PSEN1: variants seen among roughly 807,000 people sequenced by gnomAD.
PSEN1 encodes the protein presenilin 1, also known as presenilin-1.
Under a neutral mutation model 53.5 loss-of-function variants are expected in PSEN1, and 15 were observed. The observed-to-expected ratio is 0.28, with a 90% confidence interval of 0.19 to 0.43. The LOEUF (loss-of-function observed/expected upper bound fraction) is 0.43. Among genes scored for constraint, PSEN1 ranks in the 20% least tolerant of loss-of-function variants. PSEN1 has a pLI of 1.00. For missense variants in PSEN1, 387 were observed against 571.2 expected, an observed-to-expected ratio of 0.68 and a Z score of 3.29; for synonymous variants, 208 against 209.8, an observed-to-expected ratio of 0.99 and a Z score of 0.08.
intron 3 of PSEN1, among the ~76,000 whole-genome samples, chr14:73,156,845 G>A (rs772342582): frequency 6.6e-6 from 1 of 151,746 alleles, no homozygotes; most frequent in Non-Finnish European, 1.5e-5. Flanking sequence ...TGTAATTTTA[G>A]TAGAGATGGG....
Position 73,147,638 on chromosome 14 carries a change from C to CTACCTTGAGCT in PSEN1, c.-135-154_-135-144dup, listed in dbSNP as rs148009306. On this transcript the variant is annotated intron_variant, in intron 1 of 11. Transcript: ENST00000324501. ...CGGTTCTACTTATTGCTAAAGAGGT[C>CTACCTTGAGCT]TACCTTGAGCTTATAGTAAATTTGT... is the stretch of plus-strand genomic sequence containing the variant. 4.1e-5 allele frequency: 12 copies of CTACCTTGAGCT among 295,528 alleles called. No individual in the cohort carries two copies. In the East Asian group the frequency reaches 9.6e-4, roughly 24 times the overall value. The allele number at this position is 295,528 out of a possible 1,614,324, so 18.3% of individuals were successfully genotyped here. A position where few individuals can be genotyped will look rare whatever the true frequency, so the allele number is the denominator to read the frequency against.
chr14:73,152,221 A>G (rs1333020944), intron 3 of PSEN1, among the ~76,000 whole-genome samples: 7 of 151,652 alleles, frequency 4.6e-5, no homozygotes, highest in Admixed American at 2.6e-4. Flanking sequence ...AAAGAATAGT[A>G]TGCTACCTGA....
rs1302061892 is a variant in PSEN1 at position 73,222,329 on chromosome 14, C to T, written c.*3040C>T. On this transcript the variant is annotated 3_prime_UTR_variant, in exon 12 of 12. Transcript: ENST00000324501. ...GGATTCCCATTCTGTAGTCTCTCTG[C>T]TTTTAAAAACCCTCCTTTTGCAATA... 1.3e-5 allele frequency: 2 copies of T among 152,176 alleles called. No individual in the cohort carries two copies. The highest frequency in any genetic ancestry group is 1.9e-4 in the East Asian group (1 of 5,200). The allele number at this position is 152,176 out of a possible 1,614,324, so 9.4% of individuals were successfully genotyped here. A position where few individuals can be genotyped will look rare whatever the true frequency, so the allele number is the denominator to read the frequency against.
intron 5 of PSEN1, among the ~76,000 whole-genome samples, chr14:73,180,907 G>A (rs1434667623): frequency 2.0e-5 from 3 of 152,214 alleles, no homozygotes. Flanking sequence ...AAGCCAGTGT[G>A]TATTAATTAA....
At chr14:73,200,679 C>G (rs1383767545) in intron 8 of PSEN1, among the ~76,000 whole-genome samples, 2 of 152,120 alleles carry the variant, frequency 1.3e-5, no homozygotes, top group Non-Finnish European at 2.9e-5. Flanking sequence ...AAGTACTTAC[C>G]CCTGTTGTCA....
intron 3 of PSEN1, among the ~76,000 whole-genome samples, chr14:73,170,051 C>T (rs771578178): frequency 4.6e-5 from 7 of 152,148 alleles, no homozygotes; most frequent in South Asian, 2.1e-4. Context: ...AGGTAACTTC[C>T]GGACGTTGCC....
At chr14:73,185,354 G>C (rs1278685566) in intron 5 of PSEN1, among the ~76,000 whole-genome samples, 2 of 152,190 alleles carry the variant, frequency 1.3e-5, no homozygotes, top group Non-Finnish European at 2.9e-5. Context: ...CTGCAATCCC[G>C]GCACCTCGGG....
chr14:73,211,856 T>C lies in PSEN1; in HGVS notation c.1043T>C (p.Leu348Pro), dbSNP rs1899698715. The C allele has an allele frequency of 6.2e-7, 1 of 1,613,798 alleles. No individual in the cohort carries two copies. Reference sequence around the variant, plus strand: ...TGGGAAGCCCAGAGGGACAGTCATCTAGGGCCTCATCGCTCTACACCTGAG... The same window carrying C: ...TGGGAAGCCCAGAGGGACAGTCATCCAGGGCCTCATCGCTCTACACCTGAG... ...EEWEAQRDSH[L>P]GPHRSTPESR... The change falls in exon 10 of 12, where the codon CTA (leucine) becomes CCA (proline). Residue 348 changes from leucine to proline, a missense_variant. Coordinates refer to ENST00000324501, the MANE Select transcript of PSEN1 (RefSeq NM_000021.4).
At chr14:73,162,663 G>T (rs1302235214) in intron 3 of PSEN1, among the ~76,000 whole-genome samples, 1 of 152,020 alleles carries the variant, frequency 6.6e-6, no homozygotes, top group Admixed American at 6.5e-5. Context: ...TCAAAGATAA[G>T]AAGAATGAGG....
rs568722981 is a variant in PSEN1 at position 73,188,405 on chromosome 14, A to G, written c.548+1485A>G. On this transcript the variant is annotated intron_variant, in intron 6 of 11. Coordinates refer to ENST00000324501, the MANE Select transcript of PSEN1 (RefSeq NM_000021.4). ...GTGGTGGCTCATGTTTATAATCTCA[A>G]TACTCTGGGAGGCTAAGGTAGGAGG... Among the ~76,000 whole-genome samples, 196 of 152,228 alleles carry G rather than the reference A, an allele frequency of 1.3e-3. 2 individuals carry two copies. Among genetic ancestry groups the G allele is most frequent in the Middle Eastern group, 0.01 (3 of 294 alleles).
chr14:73,219,205 C>T lies in PSEN1; in HGVS notation c.1320C>T (p.Thr440=). 11 of 1,613,704 alleles carry T rather than the reference C, an allele frequency of 6.8e-6. No individual in the cohort carries two copies. The highest frequency in any genetic ancestry group is 9.3e-6 in the Non-Finnish European group (11 of 1,179,578). Residue 440 remains threonine (T), a synonymous_variant, in exon 12 of 12, where the codon ACC becomes ACT. Transcript: ENST00000324501. Reference sequence around the variant, plus strand: ...TGCCAGCTCTTCCAATCTCCATCACCTTTGGGCTTGTTTTCTACTTTGCCA... The same window carrying T: ...TGCCAGCTCTTCCAATCTCCATCACTTTTGGGCTTGTTTTCTACTTTGCCA... The part of the protein sequence containing the change: ...KALPALPISI[T]FGLVFYFATD...
chr14:73,140,202 C>CTTTTTTTTTTT (rs35223948), intron 1 of PSEN1, among the ~76,000 whole-genome samples: 1 of 73,040 alleles, frequency 1.4e-5, no homozygotes, highest in Non-Finnish European at 2.5e-5. Flanking sequence ...TTTTGCTATT[C>CTTTTTTTTTTT]TTTTTTTTTT....
chr14:73,153,363 A>T (rs190095457), intron 3 of PSEN1, among the ~76,000 whole-genome samples: 1 of 152,340 alleles, frequency 6.6e-6, no homozygotes, highest in African/African-American at 2.4e-5. Flanking sequence ...TAACAGCCCC[A>T]TAAGTGTTCA....
intron 3 of PSEN1, chr14:73,169,565 C>T (rs527791186): frequency 6.6e-6 from 1 of 152,302 alleles, no homozygotes; most frequent in African/African-American, 2.4e-5. Flanking sequence ...CTTATCTCTA[C>T]CAATGCTAGT....
At chr14:73,142,423 CT>C (rs771665727) in intron 1 of PSEN1, among the ~76,000 whole-genome samples, 14 of 152,248 alleles carry the variant, frequency 9.2e-5, no homozygotes, top group Middle Eastern at 6.8e-3. Context: ...GCCACAAGCC[CT>C]TTGTGCTAGA....
chr14:73,167,722 G>A (rs1283213768), intron 3 of PSEN1: 1 of 150,058 alleles, frequency 6.7e-6, no homozygotes, highest in Non-Finnish European at 1.5e-5. Context: ...GTCTCTAACA[G>A]CTCTAAAATA....
In PSEN1 at chr14:73,153,983, G is replaced by A. The variant is rs558733563; in HGVS notation, c.87+5877G>A. On this transcript the variant is annotated intron_variant, in intron 3 of 11. Coordinates refer to ENST00000324501, the MANE Select transcript of PSEN1 (RefSeq NM_000021.4). ...ACCACCTAGGCCTCTCAAAGTGTTG[G>A]GATTACAGGCATGAACCACCGTGCC... Among the ~76,000 whole-genome samples, 7 of 151,574 alleles carry A rather than the reference G, an allele frequency of 4.6e-5. No individual in the cohort carries two copies. The South Asian group carries it at 1.5e-3, about 32-fold the overall frequency.
intron 8 of PSEN1, among the ~76,000 whole-genome samples, chr14:73,202,435 TATATATATATATATATATATATATATA>T (rs1267092653): frequency 2.1e-3 from 28 of 13,208 alleles, no homozygotes; most frequent in African/African-American, 7.9e-3. Context: ...TATATATATA[TATATATATATATATATATATATATATA>T]TTTTTTTTTT....
intron 7 of PSEN1, among the ~76,000 whole-genome samples, chr14:73,197,008 C>G (rs1471532425): frequency 1.3e-5 from 2 of 150,094 alleles, no homozygotes; most frequent in South Asian, 2.1e-4. Context: ...TCTCGGCGCA[C>G]TGCAAGCTCC....
Sources: allele counts gnomAD v4.1 joint callset (sites outside exome capture counted in the v4.1 genomes callset), GRCh38; gene constraint gnomAD v4.1.1; transcripts MANE v1.5; gene names NCBI Gene and HGNC (gene_info 2026-07-23, HGNC 2026-07-21).